The following GAD2 variants were observed in gnomAD, a reference collection of about 807,000 sequenced individuals.
GAD2 encodes the protein 65 kDa glutamic acid decarboxylase.
In GAD2, 22 loss-of-function variants were observed where a neutral mutation model predicts 80.1. The observed-to-expected ratio is 0.27, with a 90% CI of 0.20 to 0.39. GAD2 has a LOEUF of 0.39. GAD2 is among the 10% of genes least tolerant of loss of function. GAD2 has a pLI of 1.00. For missense variants in GAD2, 624 were observed against 738.4 expected (o/e 0.85, Z 1.80); for synonymous variants, 274 against 256.9 (o/e 1.07, Z -0.64).
chr10:26,296,231 T>A (rs542777828), intron 15 of GAD2, among the ~76,000 whole-genome samples: 3 of 152,192 alleles, frequency 2.0e-5, no homozygotes, highest in African/African-American at 7.2e-5. Flanking sequence ...AGGCCCTATC[T>A]CCTAATATCA....
At chr10:26,264,631 A>G (rs4747547) in intron 8 of GAD2, among the ~76,000 whole-genome samples, 36,450 of 151,988 alleles carry the variant, frequency 0.24, 4,995 homozygotes, top group African/African-American at 0.37. Flanking sequence ...GCTTTTAACC[A>G]TAGTCAACTG....
chr10:26,268,196 C>T (rs985670619), intron 8 of GAD2, among the ~76,000 whole-genome samples: 13 of 152,188 alleles, frequency 8.5e-5, no homozygotes, highest in African/African-American at 1.7e-4. Flanking sequence ...GGGCCGGGCA[C>T]GGTGGCTTAC....
intron 6 of GAD2, among the ~76,000 whole-genome samples, chr10:26,226,323 C>T (rs528347363): frequency 1.3e-5 from 2 of 152,294 alleles, no homozygotes; most frequent in South Asian, 4.1e-4. Flanking sequence ...ACCCTCCACC[C>T]TCACTGATAA....
chr10:26,286,784 A>G (rs986443976), intron 13 of GAD2, among the ~76,000 whole-genome samples: 3 of 152,124 alleles, frequency 2.0e-5, no homozygotes, highest in Non-Finnish European at 4.4e-5. Context: ...GTTTATTGTT[A>G]TTGTTGTTGG....
At chr10:26,250,210 C>G (rs566610500) in intron 8 of GAD2, among the ~76,000 whole-genome samples, 1 of 152,218 alleles carries the variant, frequency 6.6e-6, no homozygotes, top group African/African-American at 2.4e-5. Context: ...GAGATGGAGT[C>G]TCACTATGTT....
intron 11 of GAD2, among the ~76,000 whole-genome samples, chr10:26,275,449 G>A (rs1845189070): frequency 6.6e-6 from 1 of 152,152 alleles, no homozygotes; most frequent in South Asian, 2.1e-4. Context: ...GTTCATCAGG[G>A]AACACAGAGT....
intron 9 of GAD2, 142 bp downstream of exon 9, chr10:26,269,315 A>C: frequency 1.6e-6 from 1 of 611,876 alleles, no homozygotes; most frequent in Non-Finnish European, 2.8e-6. Context: ...TTCTGCATCC[A>C]GTCACTATTT....
At chr10:26,275,050 G>C (rs1325115293) in intron 11 of GAD2, among the ~76,000 whole-genome samples, 2 of 152,228 alleles carry the variant, frequency 1.3e-5, no homozygotes, top group African/African-American at 4.8e-5. Flanking sequence ...GACCCTTGGG[G>C]CTTCTCTCAG....
At chr10:26,241,418 C>T (rs1166132333) in intron 7 of GAD2, among the ~76,000 whole-genome samples, 2 of 152,192 alleles carry the variant, frequency 1.3e-5, no homozygotes, top group Non-Finnish European at 2.9e-5. Context: ...TGTCTAGGGC[C>T]AGGTGGAGTA....
At position 26,301,029 on chromosome 10, in the gene GAD2, G is replaced by A. The variant is rs1482963052; in HGVS notation, c.*68G>A. ...TTAAGTTGTCACAAACTGTGTGAAT[G>A]TATTTGTAGTTTGTTCCAAAGTAAA... On this transcript the variant is annotated 3_prime_UTR_variant, in exon 16 of 16. Coordinates refer to ENST00000376261, the MANE Select transcript of GAD2 (RefSeq NM_001134366.2). 6 of 1,297,850 alleles carry A rather than the reference G, an allele frequency of 4.6e-6. No homozygotes were observed. Among genetic ancestry groups the A allele is most frequent in the African/African-American group, 4.4e-5 (3 of 68,088 alleles). The allele number at this position is 1,297,850 out of a possible 1,614,324, so 80.4% of individuals were successfully genotyped here.
intron 13 of GAD2, 71 bp from the exon 14 acceptor site, chr10:26,292,394 T>C: frequency 1.8e-6 from 2 of 1,104,488 alleles, no homozygotes; most frequent in Non-Finnish European, 2.7e-6. Flanking sequence ...AGGATGACGG[T>C]CAGTCTCCAG....
intron 7 of GAD2, among the ~76,000 whole-genome samples, chr10:26,230,283 A>C (rs1844584490): frequency 6.6e-6 from 1 of 152,234 alleles, no homozygotes; most frequent in Non-Finnish European, 1.5e-5. Context: ...GAGGGAAGGC[A>C]GAGGGACTGT....
At chr10:26,241,689 A>C (rs1293836371) in intron 7 of GAD2, among the ~76,000 whole-genome samples, 1 of 152,302 alleles carries the variant, frequency 6.6e-6, no homozygotes, top group East Asian at 1.9e-4. Context: ...GAGTGTGCAC[A>C]CACATGTATT....
In GAD2 at chr10:26,217,574, C is replaced by G; in HGVS notation, c.77-36C>G. ...CACACGTCCGTCTGTTGTTCTCTTT[C>G]TGCCTCGCTGTCTGCCTGCCTATTC... On this transcript the variant is annotated intron_variant, in intron 1 of 15. Coordinates refer to ENST00000376261, the MANE Select transcript of GAD2 (RefSeq NM_001134366.2). This position sits in a 1 kb window ranked among gnomAD's most constrained non-coding sequence, Gnocchi z 4.9. The G allele has an allele frequency of 6.3e-7, 1 of 1,591,506 alleles. No homozygotes were observed. Among genetic ancestry groups the G allele is most frequent in the South Asian group, 1.1e-5 (1 of 88,200 alleles).
intron 8 of GAD2, among the ~76,000 whole-genome samples, chr10:26,251,460 A>G (rs1844880088): frequency 6.6e-6 from 1 of 152,232 alleles, no homozygotes; most frequent in Non-Finnish European, 1.5e-5. Context: ...CGCCTGCTTC[A>G]TAGGATTGTT....
At chr10:26,254,461 A>G (rs1180178868) in intron 8 of GAD2, among the ~76,000 whole-genome samples, 1 of 152,108 alleles carries the variant, frequency 6.6e-6, no homozygotes, top group East Asian at 1.9e-4. Context: ...CTGCTGTGTG[A>G]CCGGTTCCTA....
chr10:26,224,854 A>T (rs928073661), intron 6 of GAD2: 6 of 537,398 alleles, frequency 1.1e-5, no homozygotes, highest in Non-Finnish European at 2.0e-5. Context: ...AACATCAGTT[A>T]TTTGTGTGCA....
chr10:26,220,810 C>A (rs1009504159), intron 4 of GAD2, among the ~76,000 whole-genome samples: 4 of 152,194 alleles, frequency 2.6e-5, no homozygotes, highest in Non-Finnish European at 4.4e-5. Context: ...GCCTGAAATG[C>A]AGTCTACAGA....
chr10:26,245,153 CAAAAA>C (rs1229625147), intron 7 of GAD2, among the ~76,000 whole-genome samples: 1,425 of 52,342 alleles, frequency 0.027, 20 homozygotes, highest in African/African-American at 0.064. Context: ...AACTCTGTCT[CAAAAA>C]AAAAAAAAAA....
Sources: allele counts gnomAD v4.1 joint callset (sites outside exome capture counted in the v4.1 genomes callset), GRCh38; gene constraint gnomAD v4.1.1; non-coding constraint Gnocchi (gnomAD v3.1); transcripts MANE v1.5; gene names NCBI Gene and HGNC (gene_info 2026-07-23, HGNC 2026-07-21).